Variants in CAMK4 observed in about 807,000 individuals in gnomAD.
CAMK4 encodes calcium/calmodulin dependent protein kinase IV.
CAMK4 carries 22 observed loss-of-function variants against 44.9 expected under a neutral mutation model. That is an observed-to-expected ratio of 0.49 (90% confidence interval 0.35 to 0.70). The LOEUF (loss-of-function observed/expected upper bound fraction) is 0.70, where lower values mean the gene tolerates loss of function less well. CAMK4 is among the 30% of genes least tolerant of loss of function. The pLI, the probability that CAMK4 is intolerant of heterozygous loss-of-function variation, is 0.01. For synonymous variants in CAMK4, 218 were observed against 215.4 expected (o/e 1.01, Z -0.11); for missense variants, 498 against 586.8 (o/e 0.85, Z 1.56).
At chr5:111,272,322 C>G (rs1336247910) in intron 1 of CAMK4, among the ~76,000 whole-genome samples, 1 of 152,020 alleles carries the variant, frequency 6.6e-6, no homozygotes, top group African/African-American at 2.4e-5. Context: ...CATTGTCTCT[C>G]TTTACCATCT....
intron 1 of CAMK4, among the ~76,000 whole-genome samples, chr5:111,324,998 C>A (rs1748817889): frequency 6.6e-6 from 1 of 151,872 alleles, no homozygotes. Flanking sequence ...GCTCCCTCCC[C>A]TTCCCCCAAC....
intron 1 of CAMK4, among the ~76,000 whole-genome samples, chr5:111,245,095 T>A (rs1432034493): frequency 6.6e-6 from 1 of 152,154 alleles, no homozygotes; most frequent in African/African-American, 2.4e-5. Flanking sequence ...GTAGTACTTT[T>A]ATGGGGCTTG....
At chr5:111,261,432 C>T (rs757595707) in intron 1 of CAMK4, among the ~76,000 whole-genome samples, 9 of 152,206 alleles carry the variant, frequency 5.9e-5, no homozygotes, top group Non-Finnish European at 8.8e-5. Flanking sequence ...ACTCCTTCCT[C>T]TAGGTATTTC....
intron 1 of CAMK4, among the ~76,000 whole-genome samples, chr5:111,278,950 C>G (rs922158242): frequency 2.0e-5 from 3 of 152,090 alleles, no homozygotes; most frequent in African/African-American, 7.2e-5. Context: ...TCACACTAAC[C>G]CAATGGCGGT....
chr5:111,406,618 C>A (rs1752442292), intron 5 of CAMK4, among the ~76,000 whole-genome samples: 1 of 152,060 alleles, frequency 6.6e-6, no homozygotes, highest in Non-Finnish European at 1.5e-5. Context: ...TTTTTAAAGA[C>A]CCACTAAAGC....
intron 1 of CAMK4, among the ~76,000 whole-genome samples, chr5:111,316,932 T>C (rs573212640): frequency 1.8e-4 from 27 of 152,278 alleles, no homozygotes; most frequent in Middle Eastern, 3.4e-3. Flanking sequence ...TGAGTTGTTT[T>C]TGTAATTGTA....
chr5:111,403,731 T>C (rs937958746), intron 5 of CAMK4, among the ~76,000 whole-genome samples: 1 of 152,164 alleles, frequency 6.6e-6, no homozygotes, highest in Non-Finnish European at 1.5e-5. Flanking sequence ...CAGTGCAATA[T>C]TGGGACACAG....
chr5:111,466,940 TACTGTAAGGCC>T (rs1754856760), intron 7 of CAMK4, among the ~76,000 whole-genome samples: 1 of 152,050 alleles, frequency 6.6e-6, no homozygotes, highest in Admixed American at 6.6e-5. Context: ...TCTGACTTTA[TACTGTAAGGCC>T]TTAGTCACCA....
At chr5:111,438,403 A>G (rs1257787847) in intron 5 of CAMK4, among the ~76,000 whole-genome samples, 2 of 152,194 alleles carry the variant, frequency 1.3e-5, no homozygotes, top group East Asian at 1.9e-4. Context: ...AGCTAAATGT[A>G]CCCTGTATCT....
At position 111,489,058 on chromosome 5, in the gene CAMK4, A is replaced by G. The variant is rs990463594; in HGVS notation, c.*4592A>G. The stretch of plus-strand genomic sequence containing the variant: ...GTAGTTGAGCATTTACTGGTTGAAC[A>G]TTGTTTAATGGTTAGATGTTATGTG... On this transcript the variant is annotated 3_prime_UTR_variant, in exon 11 of 11. Transcript: ENST00000282356. The G allele has an allele frequency of 2.0e-5, 3 of 152,320 alleles. No individual in the cohort carries two copies. Among genetic ancestry groups the G allele is most frequent in the East Asian group, 1.9e-4 (1 of 5,182 alleles). 9.4% of individuals were successfully genotyped at this position (152,320 alleles called of 1,614,324 possible).
chr5:111,427,345 A>G (rs1262544527), intron 5 of CAMK4, among the ~76,000 whole-genome samples: 2 of 152,198 alleles, frequency 1.3e-5, no homozygotes, highest in Non-Finnish European at 2.9e-5. Context: ...CCGAAAAGCC[A>G]CCAGCAATAC....
At chr5:111,323,751 A>G (rs556716013) in intron 1 of CAMK4, among the ~76,000 whole-genome samples, 1 of 152,276 alleles carries the variant, frequency 6.6e-6, no homozygotes, top group South Asian at 2.1e-4. Context: ...ACCACAAGTA[A>G]TGCCAAACAA....
At chr5:111,468,765 G>A (rs1754936297) in intron 7 of CAMK4, among the ~76,000 whole-genome samples, 1 of 152,082 alleles carries the variant, frequency 6.6e-6, no homozygotes, top group Admixed American at 6.6e-5. Context: ...GGATCACAAC[G>A]TCAGGAGTTC....
At chr5:111,293,871 C>T (rs557436029) in intron 1 of CAMK4, among the ~76,000 whole-genome samples, 7 of 151,504 alleles carry the variant, frequency 4.6e-5, no homozygotes, top group Non-Finnish European at 8.8e-5. Flanking sequence ...CTCAGCCTCC[C>T]GAGTAGCTGG....
intron 8 of CAMK4, among the ~76,000 whole-genome samples, chr5:111,475,805 C>T (rs1345970860): frequency 6.6e-6 from 1 of 152,168 alleles, no homozygotes; most frequent in East Asian, 1.9e-4. Context: ...GTGGGTTGTG[C>T]TACTTGATCT....
At chr5:111,475,903 C>G (rs1755219083) in intron 8 of CAMK4, among the ~76,000 whole-genome samples, 1 of 152,156 alleles carries the variant, frequency 6.6e-6, no homozygotes, top group Admixed American at 6.5e-5. Flanking sequence ...TCACTCATTT[C>G]ACCAGAGTGG....
At chr5:111,282,856 A>C (rs1751080101) in intron 1 of CAMK4, 1 of 152,228 alleles carries the variant, frequency 6.6e-6, no homozygotes, top group Non-Finnish European at 1.5e-5. Context: ...CATCATAGCT[A>C]AGCCTAGCCT....
rs1355341051 is a variant in CAMK4, at chr5:111,273,706, TATATATATATATACAC to T, written c.161+49064_161+49079del. Among the ~76,000 whole-genome samples, 45 of 54,160 alleles carry T rather than the reference TATATATATATATACAC, an allele frequency of 8.3e-4. 1 individual carries two copies. The highest frequency in any genetic ancestry group is 5.3e-3 in the African/African-American group (43 of 8,154). The allele number at this position is 54,160 out of a possible 152,430, so 35.5% of individuals were successfully genotyped here. A position where few individuals can be genotyped will look rare whatever the true frequency, so the allele number is the denominator to read the frequency against. On this transcript the variant is annotated intron_variant, in intron 1 of 10. Coordinates refer to ENST00000282356, the MANE Select transcript of CAMK4 (RefSeq NM_001744.6). ...ATATATATATATATATATATATATA[TATATATATATATACAC>T]ACACATACATACACACACACACGCT...
chr5:111,474,952 A>G (rs1186531673), intron 8 of CAMK4, among the ~76,000 whole-genome samples: 1 of 152,222 alleles, frequency 6.6e-6, no homozygotes, highest in African/African-American at 2.4e-5. Flanking sequence ...CCATGAGGTC[A>G]GGAGATCGAG....
Sources: allele counts gnomAD v4.1 joint callset (sites outside exome capture counted in the v4.1 genomes callset), GRCh38; gene constraint gnomAD v4.1.1; transcripts MANE v1.5; gene names NCBI Gene and HGNC (gene_info 2026-07-23, HGNC 2026-07-21).